TRAPPC9: variants seen among roughly 807,000 people sequenced by gnomAD.
The protein encoded by TRAPPC9 is IKK2 binding protein.
TRAPPC9 carries 83 observed loss-of-function variants against 124.0 expected under a neutral mutation model. That is an observed-to-expected ratio of 0.67 (90% CI 0.56 to 0.80). The LOEUF is 0.80. Ranked by LOEUF, TRAPPC9 falls within the 30% of genes least tolerant of loss-of-function variation. The pLI, the probability that TRAPPC9 is intolerant of heterozygous loss-of-function variation, is 0.00. For missense variants in TRAPPC9, 1,302 were observed against 1,508.3 expected (o/e 0.86, Z 2.27); for synonymous variants, 638 against 617.5 (o/e 1.03, Z -0.49).
At chr8:139,891,479 C>T (rs375429357) in intron 20 of TRAPPC9, among the ~76,000 whole-genome samples, 60 of 152,360 alleles carry the variant, frequency 3.9e-4, no homozygotes, top group East Asian at 3.9e-3. Flanking sequence ...GTGGTTCCCA[C>T]GCCTATGCTT....
intron 20 of TRAPPC9, 102 bp from the exon 21 acceptor site, chr8:139,886,071 G>A (rs1033529449): frequency 1.9e-6 from 2 of 1,074,744 alleles, no homozygotes; most frequent in Non-Finnish European, 1.4e-6. Context: ...ACCTCCTACA[G>A]CAGATGTCTC....
chr8:139,823,205 C>A (rs1292368581), intron 21 of TRAPPC9, among the ~76,000 whole-genome samples: 1 of 152,120 alleles, frequency 6.6e-6, no homozygotes, highest in Non-Finnish European at 1.5e-5. Context: ...TGCCCAGTCA[C>A]CCCAGAGGCG....
At chr8:140,111,892 C>A (rs1326589563) in intron 17 of TRAPPC9, among the ~76,000 whole-genome samples, 1 of 152,270 alleles carries the variant, frequency 6.6e-6, no homozygotes, top group Non-Finnish European at 1.5e-5. Flanking sequence ...CAAGCTCTCC[C>A]TGTATGCGCC....
chr8:140,099,181 G>A (rs1001656690), intron 17 of TRAPPC9: 1 of 131,878 alleles, frequency 7.6e-6, no homozygotes, highest in Non-Finnish European at 1.6e-5. Context: ...CCGTGATCCT[G>A]CGCAGCCTTC....
At chr8:140,311,655 T>C (rs1251319222) in intron 9 of TRAPPC9, among the ~76,000 whole-genome samples, 1 of 152,178 alleles carries the variant, frequency 6.6e-6, no homozygotes, top group Non-Finnish European at 1.5e-5. Flanking sequence ...CCTTATCAAA[T>C]TTCAAGAAAG....
At chr8:140,310,384 C>G (rs550684928) in intron 10 of TRAPPC9, among the ~76,000 whole-genome samples, 14 of 152,258 alleles carry the variant, frequency 9.2e-5, no homozygotes, top group African/African-American at 2.9e-4. Flanking sequence ...CACACTGAAT[C>G]CTAAGGTGAC....
intron 1 of TRAPPC9, among the ~76,000 whole-genome samples, chr8:140,455,485 C>T (rs533529731): frequency 4.0e-5 from 6 of 151,808 alleles, no homozygotes; most frequent in East Asian, 1.9e-4. Context: ...GGCTGGAAAG[C>T]AGTGGCGCGA....
chr8:140,282,035 G>A (rs1390332395), intron 14 of TRAPPC9, among the ~76,000 whole-genome samples: 1 of 152,224 alleles, frequency 6.6e-6, no homozygotes, highest in African/African-American at 2.4e-5. Flanking sequence ...CGTGAGGACA[G>A]AGACCAGGAC....
chr8:139,869,257 AC>A (rs780056395), intron 21 of TRAPPC9, among the ~76,000 whole-genome samples: 23 of 152,354 alleles, frequency 1.5e-4, no homozygotes, highest in Admixed American at 3.9e-4. Context: ...GCAAAAGTAT[AC>A]CAGCCAAACA....
At chr8:139,892,547 C>T (rs895073526) in intron 20 of TRAPPC9, among the ~76,000 whole-genome samples, 8 of 152,190 alleles carry the variant, frequency 5.3e-5, no homozygotes, top group Admixed American at 2.6e-4. Flanking sequence ...GTGAGCATTA[C>T]GATGATGACG....
intron 9 of TRAPPC9, among the ~76,000 whole-genome samples, chr8:140,322,262 CAGA>C (rs1264258584): frequency 6.6e-6 from 1 of 152,142 alleles, no homozygotes; most frequent in Non-Finnish European, 1.5e-5. Context: ...CCCAAGCCAA[CAGA>C]AGGTCAAATC....
At chr8:140,321,693 G>C (rs1022181879) in intron 9 of TRAPPC9, among the ~76,000 whole-genome samples, 3 of 152,186 alleles carry the variant, frequency 2.0e-5, no homozygotes, top group African/African-American at 7.2e-5. Flanking sequence ...CATGTAGGTG[G>C]GTGCAACAGA....
chr8:140,452,438 A>G (rs1046977589), intron 1 of TRAPPC9, among the ~76,000 whole-genome samples: 4 of 151,418 alleles, frequency 2.6e-5, no homozygotes, highest in African/African-American at 9.7e-5. Context: ...AAAAAAAAAA[A>G]AAGAATTAAA....
chr8:140,177,272 T>A (rs1438393512), intron 17 of TRAPPC9, among the ~76,000 whole-genome samples: 1 of 152,196 alleles, frequency 6.6e-6, no homozygotes, highest in Non-Finnish European at 1.5e-5. Flanking sequence ...CTGCTTTATA[T>A]CTCTTATATT....
At chr8:139,872,051 G>A (rs921450346) in intron 21 of TRAPPC9, among the ~76,000 whole-genome samples, 4 of 151,672 alleles carry the variant, frequency 2.6e-5, no homozygotes, top group Non-Finnish European at 4.4e-5. Context: ...TGGATGGATG[G>A]ATGAGTGGGC....
intron 21 of TRAPPC9, among the ~76,000 whole-genome samples, chr8:139,859,996 G>A (rs1828027709): frequency 6.6e-6 from 1 of 152,236 alleles, no homozygotes; most frequent in East Asian, 1.9e-4. Flanking sequence ...ATACGCTTTG[G>A]GGATGACTCA....
At chr8:140,444,282 GTTTT>G (rs1197927614) in intron 2 of TRAPPC9, among the ~76,000 whole-genome samples, 4 of 151,414 alleles carry the variant, frequency 2.6e-5, no homozygotes, top group Non-Finnish European at 5.9e-5. Flanking sequence ...TTTGTTTTGT[GTTTT>G]TTATCTTTTG....
chr8:140,075,643 TCAGTAAAGTGAGCACGGCA>T (rs1158691749), intron 17 of TRAPPC9, among the ~76,000 whole-genome samples: 1 of 152,228 alleles, frequency 6.6e-6, no homozygotes, highest in Non-Finnish European at 1.5e-5. Context: ...TATATGCACG[TCAGTAAAGTGAGCACGGCA>T]CAGCATCATC....
chr8:139,925,437 G>C (rs1050950001), intron 19 of TRAPPC9, among the ~76,000 whole-genome samples: 1 of 152,142 alleles, frequency 6.6e-6, no homozygotes, highest in Non-Finnish European at 1.5e-5. Flanking sequence ...GAGCAAAACA[G>C]ACCCAACCGA....
Sources: gnomAD v4.1 joint callset for allele counts (sites outside exome capture counted in the v4.1 genomes callset) on GRCh38, gnomAD v4.1.1 for gene constraint, MANE v1.5 for transcripts, NCBI Gene and HGNC (gene_info 2026-07-23, HGNC 2026-07-21) for gene names.